The following RBFOX2 variants were observed in gnomAD, a reference collection of about 807,000 sequenced individuals.
RBFOX2 encodes RNA binding fox-1 homolog 2, also known as RNA binding protein fox-1 homolog 2.
RBFOX2 carries 10 observed loss-of-function variants against 49.1 expected under a neutral mutation model. The ratio of observed to expected loss-of-function variants is 0.20; its 90% CI spans 0.13 to 0.35. The LOEUF (loss-of-function observed/expected upper bound fraction) is 0.35, where lower values mean the gene tolerates loss of function less well. Among genes scored for constraint, RBFOX2 ranks in the 10% least tolerant of loss-of-function variants. The pLI is 1.00. For missense variants in RBFOX2, 323 were observed against 486.9 expected (o/e 0.66, Z 3.17); for synonymous variants, 183 against 187.4 (o/e 0.98, Z 0.19).
chr22:35,942,742 A>C (rs73161718), upstream of RBFOX2, among the ~76,000 whole-genome samples: 1 of 151,942 alleles, frequency 6.6e-6, no homozygotes, highest in Non-Finnish European at 1.5e-5. Context: ...AAAAAAAGGT[A>C]ACTAAATGCA....
At chr22:35,846,210 A>G (rs914217938) in intron 1 of RBFOX2, among the ~76,000 whole-genome samples, 40 of 149,690 alleles carry the variant, frequency 2.7e-4, no homozygotes, top group Admixed American at 1.7e-3. Context: ...CATAAACTAT[A>G]TAAGTATAAA....
chr22:36,009,675 C>T (rs1365665819), intron 1 of RBFOX2, among the ~76,000 whole-genome samples: 1 of 152,226 alleles, frequency 6.6e-6, no homozygotes, highest in African/African-American at 2.4e-5. Flanking sequence ...AGGCATGAGC[C>T]ACTGTGCCCA....
At chr22:35,997,968 C>A (rs1325559404) in intron 1 of RBFOX2, 1 of 152,202 alleles carries the variant, frequency 6.6e-6, no homozygotes, top group Admixed American at 6.5e-5. Context: ...AACCACCACA[C>A]TCCAGACTGG....
chr22:35,975,547 C>G (rs2057103820), intron 1 of RBFOX2, among the ~76,000 whole-genome samples: 1 of 152,162 alleles, frequency 6.6e-6, no homozygotes, highest in Admixed American at 6.5e-5. Flanking sequence ...ATCAGGTTTT[C>G]TAGGTATTTC....
chr22:35,829,813 T>C (rs948606894), intron 1 of RBFOX2, among the ~76,000 whole-genome samples: 2 of 152,082 alleles, frequency 1.3e-5, no homozygotes, highest in Non-Finnish European at 2.9e-5. Context: ...ACCTTCCACT[T>C]CTCTTTCTCT....
intron 1 of RBFOX2, among the ~76,000 whole-genome samples, chr22:35,864,554 C>A (rs965907907): frequency 6.6e-6 from 1 of 152,120 alleles, no homozygotes; most frequent in African/African-American, 2.4e-5. Context: ...TCAAACTTCC[C>A]ACCCCCAAAA....
At position 35,985,231 on chromosome 22, in the gene RBFOX2, A is replaced by G. The variant is rs956891472; in HGVS notation, c.186+43009T>C. Among the ~76,000 whole-genome samples, 4 of 152,216 alleles carry G rather than the reference A, an allele frequency of 2.6e-5. No individual in the cohort carries two copies. In the East Asian group the frequency reaches 5.8e-4, roughly 22 times the overall value. On this transcript the variant is annotated intron_variant, in intron 1 of 13. Transcript: ENST00000438146. ...ACAAAAAAAGAGTAAGAAAGGCAAA[A>G]GTAAAATACTAGTAGAAATAATCGT...
chr22:35,880,649 C>T (rs961802932), intron 1 of RBFOX2, among the ~76,000 whole-genome samples: 3 of 152,032 alleles, frequency 2.0e-5, no homozygotes, highest in Non-Finnish European at 2.9e-5. Flanking sequence ...AACAGAAAAA[C>T]GAAATTGTTA....
intron 1 of RBFOX2, among the ~76,000 whole-genome samples, chr22:35,885,377 T>C (rs1307779769): frequency 1.3e-5 from 2 of 152,212 alleles, no homozygotes; most frequent in African/African-American, 2.4e-5. Context: ...TCATTAAGAA[T>C]ATTTTATGTG....
intron 1 of RBFOX2, among the ~76,000 whole-genome samples, chr22:35,911,942 A>ACTCATTTT (rs1286193383): frequency 2.0e-5 from 3 of 151,498 alleles, no homozygotes. Context: ...GTCTTGGTTC[A>ACTCATTTT]CTCATTTTTT....
intron 1 of RBFOX2, among the ~76,000 whole-genome samples, chr22:36,008,674 T>G (rs567480651): frequency 3.6e-4 from 55 of 152,002 alleles, no homozygotes; most frequent in African/African-American, 1.3e-3. Context: ...AAAAATTAAC[T>G]GGGCGTGGTG....
chr22:35,961,028 C>T lies in RBFOX2; in HGVS notation c.42+535G>A, dbSNP rs114567056. 4.3e-3 allele frequency among the ~76,000 whole-genome samples: 656 copies of T among 152,042 alleles called. 2 individuals carry two copies. Among genetic ancestry groups the T allele is most frequent in the African/African-American group, 0.015 (629 of 41,496 alleles). Reference sequence around the variant, plus strand: ...ATTTGCCCTTCACTATCAGCACAAACATGCATATGTTCAGAACAACTGTCT... The same window carrying T: ...ATTTGCCCTTCACTATCAGCACAAATATGCATATGTTCAGAACAACTGTCT... On this transcript the variant is annotated intron_variant, in intron 1 of 5. Transcript: ENST00000408983.
intron 1 of RBFOX2, among the ~76,000 whole-genome samples, chr22:36,015,248 A>G (rs1669411142): frequency 6.6e-6 from 1 of 152,252 alleles, no homozygotes; most frequent in South Asian, 2.1e-4. Flanking sequence ...CACAAAACAT[A>G]GTAAAATCTT....
upstream of RBFOX2, among the ~76,000 whole-genome samples, chr22:35,841,431 A>C (rs1958736886): frequency 1.3e-5 from 2 of 152,166 alleles, no homozygotes; most frequent in Non-Finnish European, 2.9e-5. Flanking sequence ...AGTTGGTCTA[A>C]TTCTGCCCTT....
chr22:35,821,183 T>C (rs1048086668), intron 1 of RBFOX2, among the ~76,000 whole-genome samples: 1 of 152,246 alleles, frequency 6.6e-6, no homozygotes, highest in Non-Finnish European at 1.5e-5. Context: ...ATATCTTTGA[T>C]AGTTATTTCC....
In RBFOX2 at chr22:35,759,333, A is replaced by G. The variant is rs1937876829; in HGVS notation, c.887+555T>C. Among the ~76,000 whole-genome samples the G allele has an allele frequency of 6.6e-6, 1 of 152,134 alleles. No homozygotes were observed. On this transcript the variant is annotated intron_variant, in intron 9 of 11. Transcript: ENST00000405409. This position sits in a 1 kb window ranked among gnomAD's most constrained non-coding sequence, Gnocchi z 4.6. ...ACTTCTCCCTTTCTCCCTTGATTCA[A>G]TTGGACTTGGTTCATCTTAGAATTA...
chr22:35,791,299 C>T (rs1947573676), intron 2 of RBFOX2, among the ~76,000 whole-genome samples: 1 of 151,184 alleles, frequency 6.6e-6, no homozygotes, highest in Non-Finnish European at 1.5e-5. Context: ...GCAGGAGAAT[C>T]ACTTGAACCC....
chr22:35,976,340 C>G (rs575482819), intron 1 of RBFOX2, among the ~76,000 whole-genome samples: 3 of 144,588 alleles, frequency 2.1e-5, no homozygotes, highest in African/African-American at 5.8e-5. Flanking sequence ...ACCACCACCC[C>G]CCCCTCTTAA....
intron 1 of RBFOX2, among the ~76,000 whole-genome samples, chr22:35,983,711 T>C (rs555650777): frequency 1.3e-5 from 2 of 152,334 alleles, no homozygotes; most frequent in South Asian, 4.1e-4. Flanking sequence ...TCCAACAGTG[T>C]TCGGCACTTG....
Sources: allele counts gnomAD v4.1 joint callset (sites outside exome capture counted in the v4.1 genomes callset), GRCh38; gene constraint gnomAD v4.1.1; non-coding constraint Gnocchi (gnomAD v3.1); transcripts MANE v1.5; gene names NCBI Gene and HGNC (gene_info 2026-07-23, HGNC 2026-07-21).